The following CFAP47 variants were observed in gnomAD, a reference collection of about 807,000 sequenced individuals.
CFAP47 encodes the protein cilia and flagella associated protein 47, also known as cilia- and flagella-associated protein 47.
CFAP47 carries 29 observed loss-of-function variants against 148.1 expected under a neutral mutation model. That is an observed-to-expected ratio of 0.20 (90% confidence interval 0.15 to 0.27). CFAP47 has a LOEUF of 0.27. CFAP47 is among the 10% of genes least tolerant of loss of function. The probability of loss-of-function intolerance (pLI) is 1.00; values close to 1 mark genes in which losing one functional copy is unlikely to be tolerated. For missense variants in CFAP47, 1,872 were observed against 1,697.5 expected, an observed-to-expected ratio of 1.10 and a Z score of -1.81; for synonymous variants, 664 against 577.3, an observed-to-expected ratio of 1.15 and a Z score of -2.15.
intron 30 of CFAP47, 97 bp from the exon 31 acceptor site, chrX:36,098,696 C>G: frequency 2.4e-6 from 1 of 413,062 alleles, no homozygotes; most frequent in African/African-American, 2.6e-5. Flanking sequence ...AGCATATATA[C>G]AAATGTGACT....
intron 8 of CFAP47, among the ~76,000 whole-genome samples, chrX:35,962,279 T>C (rs1220726142): frequency 8.9e-6 from 1 of 111,947 alleles, no homozygotes; most frequent in African/African-American, 3.2e-5. Flanking sequence ...ATGTGTACTT[T>C]GGAAAAATGT....
At chrX:36,234,576 C>T (rs1386370785) in intron 46 of CFAP47, among the ~76,000 whole-genome samples, 2 of 111,841 alleles carry the variant, frequency 1.8e-5, no homozygotes, top group African/African-American at 6.5e-5. Context: ...TCCTGTAGCT[C>T]GGAATAGTTT....
intron 15 of CFAP47, among the ~76,000 whole-genome samples, chrX:35,984,460 T>A (rs1382928249): frequency 1.8e-5 from 2 of 111,325 alleles, no homozygotes; most frequent in African/African-American, 6.5e-5. Flanking sequence ...TTCATTCACT[T>A]CAGCTGTGAT....
In CFAP47 at chrX:36,201,868, A is replaced by T. The variant is rs1293221980; in HGVS notation, c.6663+368A>T. ...GAGGGGGTGGGTAGGAATATGTTCT[A>T]AAAGTTGCCCAGGATATTTTGCTGT... On this transcript the variant is annotated intron_variant, in intron 44 of 63. Coordinates refer to ENST00000378653, the MANE Select transcript of CFAP47 (RefSeq NM_001304548.2). 3.6e-5 allele frequency among the ~76,000 whole-genome samples: 4 copies of T among 110,940 alleles called. No homozygotes were observed. The East Asian group carries it at 1.1e-3, about 32-fold the overall frequency.
rs1198729116 is a variant in CFAP47, at chrX:36,085,832, C to T, written c.4916+294C>T. Among the ~76,000 whole-genome samples the T allele has an allele frequency of 2.7e-5, 3 of 110,225 alleles. No homozygotes were observed. In the East Asian group the frequency reaches 8.5e-4, roughly 31 times the overall value. ...CTTATACTTTATCATGCATCAAAAT[C>T]ACTGAGAGGGTCTGTTAAAACAACA... On this transcript the variant is annotated intron_variant, in intron 30 of 63. Coordinates refer to ENST00000378653, the MANE Select transcript of CFAP47 (RefSeq NM_001304548.2).
chrX:36,305,372 T>C (rs1452612863), intron 54 of CFAP47, among the ~76,000 whole-genome samples: 1 of 111,804 alleles, frequency 8.9e-6, no homozygotes, highest in African/African-American at 3.2e-5. Context: ...TTTATATCTC[T>C]ACTTTTAGAG....
chrX:35,925,781 T>G (rs769233096), intron 1 of CFAP47, among the ~76,000 whole-genome samples: 4 of 111,931 alleles, frequency 3.6e-5, no homozygotes, highest in South Asian at 7.4e-4. Flanking sequence ...CTCAGCCTCC[T>G]GAGTAGCTGG....
In CFAP47 at chrX:36,350,197, A is replaced by G. The variant is rs1478852640; in HGVS notation, c.8698+65A>G. The G allele has an allele frequency of 4.0e-6, 3 of 747,263 alleles. No homozygotes were observed. In the Admixed American group the frequency reaches 8.8e-5, roughly 22 times the overall value. The allele number at this position is 747,263 out of a possible 1,213,427, so 61.6% of individuals were successfully genotyped here. A position where few individuals can be genotyped will look rare whatever the true frequency, so the allele number is the denominator to read the frequency against. ...GAGACCTTAGATATTCTCTATTCCCATCTTTTTTGTTTGAAGTCCAGAGAA... is the reference window on the plus strand; with the variant it reads ...GAGACCTTAGATATTCTCTATTCCCGTCTTTTTTGTTTGAAGTCCAGAGAA... On this transcript the variant is annotated intron_variant, in intron 59 of 63. Coordinates refer to ENST00000378653, the MANE Select transcript of CFAP47 (RefSeq NM_001304548.2).
In CFAP47 at chrX:36,074,062, C is replaced by T. The variant is rs188608374; in HGVS notation, c.4691+698C>T. ...GAATTTCTGCTCTATATTCGAGTGA[C>T]CTAGGTAAAACTAAGGCTGCAGTTT... On this transcript the variant is annotated intron_variant, in intron 29 of 63. Coordinates refer to ENST00000378653, the MANE Select transcript of CFAP47 (RefSeq NM_001304548.2). 2.4e-3 allele frequency among the ~76,000 whole-genome samples: 266 copies of T among 111,475 alleles called. 2 individuals carry two copies. Among genetic ancestry groups the T allele is most frequent in the South Asian group, 7.8e-3 (21 of 2,689 alleles).
chrX:36,223,278 A>G (rs1435116950), intron 45 of CFAP47, among the ~76,000 whole-genome samples: 1 of 110,780 alleles, frequency 9.0e-6, no homozygotes, highest in Non-Finnish European at 1.9e-5. Flanking sequence ...ATGGCCTAAG[A>G]GAGCAGGTAA....
chrX:36,217,380 A>G (rs1008181266), intron 45 of CFAP47, among the ~76,000 whole-genome samples: 1 of 111,025 alleles, frequency 9.0e-6, no homozygotes, highest in Non-Finnish European at 1.9e-5. Context: ...CTTTCCCTCA[A>G]CTTGGGATCC....
chrX:36,304,884 A>G (rs1288250671), intron 54 of CFAP47, among the ~76,000 whole-genome samples: 5 of 112,477 alleles, frequency 4.4e-5, no homozygotes, highest in Admixed American at 2.8e-4. Context: ...TTTCTAAAGC[A>G]TAGGACACCA....
At chrX:36,098,086 A>G (rs773918454) in intron 30 of CFAP47, among the ~76,000 whole-genome samples, 1 of 111,905 alleles carries the variant, frequency 8.9e-6, no homozygotes, top group East Asian at 2.8e-4. Flanking sequence ...CAATTCTGCT[A>G]TTAAAAGACT....
intron 25 of CFAP47, among the ~76,000 whole-genome samples, chrX:36,044,558 C>T (rs772349427): frequency 4.5e-5 from 5 of 112,209 alleles, no homozygotes; most frequent in East Asian, 5.6e-4. Flanking sequence ...AGGGCAAGGG[C>T]GACATGCCAC....
chrX:36,134,156 A>G (rs1448244896), intron 33 of CFAP47, among the ~76,000 whole-genome samples: 1 of 111,296 alleles, frequency 9.0e-6, no homozygotes, highest in African/African-American at 3.3e-5. Flanking sequence ...CAAAACACTG[A>G]TGAAAGCAAT....
In CFAP47 at chrX:36,291,593, T is replaced by C. The variant is rs1941193451; in HGVS notation, c.7686+5867T>C. On this transcript the variant is annotated intron_variant, in intron 51 of 63. Transcript: ENST00000378653. ...AAGAAGAATTGACTGAACATGACAT[T>C]GGATTCATTTATGCAAGTTCAAACA... Among the ~76,000 whole-genome samples the C allele has an allele frequency of 4.6e-5, 5 of 108,685 alleles. No individual in the cohort carries two copies. In the South Asian group the frequency reaches 2.0e-3, roughly 44 times the overall value. The allele number at this position is 108,685 out of a possible 115,157, so 94.4% of individuals were successfully genotyped here.
At chrX:36,056,366 A>G (rs1157925927) in intron 26 of CFAP47, among the ~76,000 whole-genome samples, 1 of 112,169 alleles carries the variant, frequency 8.9e-6, no homozygotes, top group Non-Finnish European at 1.9e-5. Flanking sequence ...TATACTCGAT[A>G]GAATTTCAAG....
chrX:35,951,153 G>A lies in CFAP47; in HGVS notation c.679G>A (p.Glu227Lys), dbSNP rs1426526869. The A allele has an allele frequency of 1.7e-6, 2 of 1,209,729 alleles. No homozygotes were observed. Among genetic ancestry groups the A allele is most frequent in the Admixed American group, 4.3e-5 (2 of 46,049 alleles). The change falls in exon 5 of 64, where the codon GAG becomes AAG. Residue 227 changes from glutamate to lysine, a missense_variant. Transcript: ENST00000378653. Reference protein sequence around the residue: ...EAIVILQGQPEMLLSIKAHVV... With the variant: ...EAIVILQGQPKMLLSIKAHVV... Reference sequence around the variant, plus strand: ...TAGAGTGATTTTGCAAGGTCAACCTGAGATGCTCTTGAGTATCAAAGCTCA... The same window carrying A: ...TAGAGTGATTTTGCAAGGTCAACCTAAGATGCTCTTGAGTATCAAAGCTCA...
intron 45 of CFAP47, among the ~76,000 whole-genome samples, chrX:36,206,396 T>A (rs1940038846): frequency 8.9e-6 from 1 of 111,914 alleles, no homozygotes. Context: ...ATGTATTTAT[T>A]CAGCCATTCG....
Sources: gnomAD v4.1 joint callset for allele counts (sites outside exome capture counted in the v4.1 genomes callset) on GRCh38, gnomAD v4.1.1 for gene constraint, MANE v1.5 for transcripts, NCBI Gene and HGNC (gene_info 2026-07-23, HGNC 2026-07-21) for gene names.